The following NKAIN3 variants were observed in gnomAD, a reference collection of about 807,000 sequenced individuals.
NKAIN3 encodes sodium/potassium-transporting ATPase subunit beta-1-interacting protein 3.
Under a neutral mutation model 30.2 loss-of-function variants are expected in NKAIN3, and 25 were observed. That is an observed-to-expected ratio of 0.83 (90% confidence interval 0.60 to 1.16). The LOEUF (loss-of-function observed/expected upper bound fraction) is 1.16, where lower values mean the gene tolerates loss of function less well. Ranked by LOEUF, NKAIN3 falls within the 50% of genes most tolerant of loss-of-function variation. NKAIN3 has a pLI of 0.00. For missense variants in NKAIN3, 225 were observed against 254.1 expected (o/e 0.89, Z 0.78); for synonymous variants, 91 against 89.6 (o/e 1.02, Z -0.09).
intron 3 of NKAIN3, among the ~76,000 whole-genome samples, chr8:62,683,564 G>T (rs896691384): frequency 6.6e-6 from 1 of 152,158 alleles, no homozygotes; most frequent in Non-Finnish European, 1.5e-5. Flanking sequence ...GTCAGTAAGT[G>T]CCCCAAAGTA....
intron 4 of NKAIN3, among the ~76,000 whole-genome samples, chr8:62,805,265 T>A (rs1211983988): frequency 1.3e-5 from 2 of 151,916 alleles, no homozygotes; most frequent in East Asian, 3.9e-4. Context: ...CCCATCAAGC[T>A]ACCAATGCCT....
At chr8:62,837,777 G>A (rs771551873) in intron 4 of NKAIN3, among the ~76,000 whole-genome samples, 8 of 151,890 alleles carry the variant, frequency 5.3e-5, no homozygotes, top group Admixed American at 1.3e-4. Flanking sequence ...TCACTTTGTC[G>A]CTGATGACAA....
intron 4 of NKAIN3, among the ~76,000 whole-genome samples, chr8:62,800,081 C>T (rs1818005185): frequency 6.6e-6 from 1 of 152,078 alleles, no homozygotes; most frequent in Non-Finnish European, 1.5e-5. Flanking sequence ...GGATAAAAGA[C>T]TATAAATTGG....
rs536339354 is a variant in NKAIN3, at chr8:62,609,361, T to C, written c.273+19567T>C. On this transcript the variant is annotated intron_variant, in intron 3 of 6. Coordinates refer to ENST00000623646, the MANE Select transcript of NKAIN3 (RefSeq NM_001304533.3). Reference sequence around the variant, plus strand: ...AATGTGCTGAAGGCATTGTACTTGCTGGAAAATGTTTATTTTCTACATATT... The same window carrying C: ...AATGTGCTGAAGGCATTGTACTTGCCGGAAAATGTTTATTTTCTACATATT... Among the ~76,000 whole-genome samples the C allele has an allele frequency of 2.0e-5, 3 of 152,326 alleles. No individual in the cohort carries two copies. The South Asian group carries it at 6.2e-4, about 32-fold the overall frequency.
chr8:62,589,960 T>C (rs73257130), intron 3 of NKAIN3, among the ~76,000 whole-genome samples, 166 bp downstream of exon 3: 2,599 of 150,158 alleles, frequency 0.017, 75 homozygotes, highest in African/African-American at 0.061. Flanking sequence ...TAGGTACCAC[T>C]TAGGAAAGAA....
At chr8:62,611,662 G>A (rs887261000) in intron 3 of NKAIN3, among the ~76,000 whole-genome samples, 2 of 151,890 alleles carry the variant, frequency 1.3e-5, no homozygotes, top group East Asian at 1.9e-4. Flanking sequence ...TTGTGTATAC[G>A]TACCACGTTT....
At chr8:62,622,599 G>A (rs1811650759) in intron 3 of NKAIN3, among the ~76,000 whole-genome samples, 5 of 151,636 alleles carry the variant, frequency 3.3e-5, no homozygotes, top group Admixed American at 3.3e-4. Context: ...CTTGTCTTTT[G>A]CGCATTTTCT....
At chr8:62,344,713 C>G (rs1815872362) in intron 1 of NKAIN3, 4 of 247,484 alleles carry the variant, frequency 1.6e-5, no homozygotes, top group South Asian at 1.4e-4. Flanking sequence ...AACCCAGTTG[C>G]CTATGGATAT....
chr8:62,300,904 A>T (rs866059587), intron 1 of NKAIN3, among the ~76,000 whole-genome samples: 10 of 152,134 alleles, frequency 6.6e-5, no homozygotes, highest in Non-Finnish European at 7.4e-5. Flanking sequence ...TGTAGAAATC[A>T]TTACGAAGTA....
intron 1 of NKAIN3, among the ~76,000 whole-genome samples, chr8:62,389,073 C>A (rs960412341): frequency 6.6e-6 from 1 of 152,044 alleles, no homozygotes; most frequent in Admixed American, 6.6e-5. Context: ...AGCCTGTCTG[C>A]ATGGAGGTCC....
intron 1 of NKAIN3, among the ~76,000 whole-genome samples, chr8:62,316,448 T>A (rs1352208185): frequency 2.0e-5 from 3 of 150,460 alleles, no homozygotes; most frequent in African/African-American, 7.4e-5. Flanking sequence ...CCCACAACAG[T>A]CCCCACTCTG....
chr8:62,471,391 T>C (rs1400496303), intron 1 of NKAIN3, among the ~76,000 whole-genome samples: 4 of 152,204 alleles, frequency 2.6e-5, no homozygotes, highest in African/African-American at 9.6e-5. Flanking sequence ...GCTGTATTTT[T>C]CCTATACTCT....
intron 3 of NKAIN3, among the ~76,000 whole-genome samples, chr8:62,742,800 C>T (rs1815946221): frequency 6.6e-6 from 1 of 152,164 alleles, no homozygotes; most frequent in Admixed American, 6.5e-5. Context: ...CTAATAAAGA[C>T]ATTCTAGAGA....
chr8:62,695,796 G>A (rs56074674), intron 3 of NKAIN3, among the ~76,000 whole-genome samples: 26,961 of 152,070 alleles, frequency 0.18, 2,543 homozygotes, highest in East Asian at 0.35. Context: ...TGTCGACTGC[G>A]TGACATATGT....
In NKAIN3 at chr8:62,973,503, T is replaced by C. The variant is rs548196375; in HGVS notation, c.*8096T>C. The stretch of plus-strand genomic sequence containing the variant: ...TCTATTCATATCCTTAACCCACTTT[T>C]TGATGGAGTTGTTTTTTTTCTTGTA... On this transcript the variant is annotated 3_prime_UTR_variant, in exon 7 of 7. Transcript: ENST00000623646. Among the ~76,000 whole-genome samples the C allele has an allele frequency of 6.6e-6, 1 of 152,340 alleles. No homozygotes were observed. The highest frequency in any genetic ancestry group is 6.5e-5 in the Admixed American group (1 of 15,302).
intron 4 of NKAIN3, among the ~76,000 whole-genome samples, chr8:62,875,404 A>G (rs977430455): frequency 3.3e-5 from 5 of 152,328 alleles, no homozygotes; most frequent in African/African-American, 1.2e-4. Context: ...TACTACCAAA[A>G]GTAATCTATA....
At chr8:62,935,582 T>C (rs1273587705) in intron 5 of NKAIN3, among the ~76,000 whole-genome samples, 1 of 152,138 alleles carries the variant, frequency 6.6e-6, no homozygotes, top group Non-Finnish European at 1.5e-5. Context: ...CAGTAGTACC[T>C]TTCTTTCCAG....
intron 1 of NKAIN3, among the ~76,000 whole-genome samples, chr8:62,443,180 A>G (rs911014523): frequency 5.3e-5 from 8 of 151,792 alleles, no homozygotes; most frequent in African/African-American, 1.7e-4. Flanking sequence ...CCCAATCACA[A>G]TTGTTCATGA....
chr8:62,667,631 C>A (rs1055821416), intron 3 of NKAIN3, among the ~76,000 whole-genome samples: 6 of 151,978 alleles, frequency 3.9e-5, no homozygotes, highest in African/African-American at 1.2e-4. Context: ...TCATCTGTTG[C>A]ATTAGCCTCC....
Sources: gnomAD v4.1 joint callset for allele counts (sites outside exome capture counted in the v4.1 genomes callset) on GRCh38, gnomAD v4.1.1 for gene constraint, MANE v1.5 for transcripts, NCBI Gene and HGNC (gene_info 2026-07-23, HGNC 2026-07-21) for gene names.